The following ROR1 variants were observed in gnomAD, a reference collection of about 807,000 sequenced individuals.
ROR1 encodes inactive tyrosine-protein kinase transmembrane receptor ROR1.
A neutral mutation model predicts 78.8 loss-of-function variants in ROR1; 19 were observed. The observed-to-expected ratio is 0.24, with a 90% CI of 0.17 to 0.35. The LOEUF (loss-of-function observed/expected upper bound fraction) is 0.35. ROR1 is among the 10% of genes least tolerant of loss of function. The pLI, the probability that ROR1 is intolerant of heterozygous loss-of-function variation, is 1.00. For synonymous variants in ROR1, 386 were observed against 433.6 expected, an observed-to-expected ratio of 0.89 and a Z score of 1.36; for missense variants, 917 against 1,177.8, an observed-to-expected ratio of 0.78 and a Z score of 3.24.
chr1:64,047,421 G>C (rs191790827), intron 2 of ROR1, among the ~76,000 whole-genome samples: 17 of 152,184 alleles, frequency 1.1e-4, no homozygotes, highest in African/African-American at 3.6e-4. Flanking sequence ...TTTTCCGTTG[G>C]TTAAACTGAG....
At chr1:63,833,150 A>G (rs1258155067) in intron 1 of ROR1, among the ~76,000 whole-genome samples, 1 of 152,210 alleles carries the variant, frequency 6.6e-6, no homozygotes, top group Non-Finnish European at 1.5e-5. Context: ...TCTGTCTAAC[A>G]CAATTCCTGG....
chr1:64,136,295 T>A (rs560977674), intron 4 of ROR1, among the ~76,000 whole-genome samples: 2 of 151,940 alleles, frequency 1.3e-5, no homozygotes, highest in East Asian at 3.9e-4. Flanking sequence ...AGAATTTTGT[T>A]CTCCTGACTT....
intron 1 of ROR1, among the ~76,000 whole-genome samples, chr1:63,902,029 T>C (rs1177682500): frequency 3.3e-5 from 5 of 152,220 alleles, no homozygotes. Flanking sequence ...TCTTTTTTTA[T>C]GGTGACGTTA....
Position 63,957,935 on chromosome 1 carries a change from G to C in ROR1, c.92-51370G>C, listed in dbSNP as rs1410465690. ...TTTTTTGTATCTTTAGTAGAGATGG[G>C]GTTTCACCATGTTGGCCAGGCTGGT... On this transcript the variant is annotated intron_variant, in intron 1 of 8. Coordinates refer to ENST00000371079, the MANE Select transcript of ROR1 (RefSeq NM_005012.4). 4.6e-5 allele frequency among the ~76,000 whole-genome samples: 7 copies of C among 151,848 alleles called. No individual in the cohort carries two copies. The East Asian group carries it at 1.4e-3, about 29-fold the overall frequency.
At chr1:64,120,162 G>T (rs1421509227) in intron 4 of ROR1, among the ~76,000 whole-genome samples, 1 of 152,160 alleles carries the variant, frequency 6.6e-6, no homozygotes, top group African/African-American at 2.4e-5. Flanking sequence ...GGCTGATGAT[G>T]ATTATTATTA....
chr1:63,829,000 G>A (rs1455985964), intron 1 of ROR1, among the ~76,000 whole-genome samples: 1 of 152,168 alleles, frequency 6.6e-6, no homozygotes. Flanking sequence ...CTGATAAACT[G>A]ATATATTGAT....
At chr1:63,986,684 G>A (rs1358876463) in intron 1 of ROR1, among the ~76,000 whole-genome samples, 1 of 152,118 alleles carries the variant, frequency 6.6e-6, no homozygotes, top group Non-Finnish European at 1.5e-5. Context: ...CTTGAGCCCA[G>A]GAATTCAAGA....
intron 1 of ROR1, among the ~76,000 whole-genome samples, chr1:63,851,073 G>A (rs666620): frequency 2.6e-5 from 4 of 152,152 alleles, no homozygotes; most frequent in African/African-American, 4.8e-5. Context: ...TCCGTCTCCC[G>A]AGTTCAATCA....
chr1:64,086,468 C>G (rs1019803992), intron 4 of ROR1, among the ~76,000 whole-genome samples: 4 of 152,214 alleles, frequency 2.6e-5, no homozygotes, highest in Admixed American at 6.5e-5. Context: ...TGACAATGTT[C>G]CTGCCATCAC....
chr1:64,157,924 A>T (rs1400419562), intron 7 of ROR1, among the ~76,000 whole-genome samples: 1 of 152,200 alleles, frequency 6.6e-6, no homozygotes, highest in African/African-American at 2.4e-5. Flanking sequence ...GTAAATAATC[A>T]TCTCTGAATT....
At chr1:64,039,474 T>C (rs1646728639) in intron 2 of ROR1, among the ~76,000 whole-genome samples, 1 of 152,186 alleles carries the variant, frequency 6.6e-6, no homozygotes, top group Non-Finnish European at 1.5e-5. Context: ...GAGAATTTAT[T>C]ATGACTGGGC....
chr1:63,912,260 T>G, intron 1 of ROR1, among the ~76,000 whole-genome samples: 1 of 150,664 alleles, frequency 6.6e-6, no homozygotes. Flanking sequence ...ATGGTACCAT[T>G]GTACTCCAGC....
chr1:63,879,203 T>C (rs1280232613), intron 1 of ROR1, among the ~76,000 whole-genome samples: 1 of 152,150 alleles, frequency 6.6e-6, no homozygotes, highest in Non-Finnish European at 1.5e-5. Flanking sequence ...GTTCCTATTA[T>C]CTGCTGAGAG....
intron 1 of ROR1, among the ~76,000 whole-genome samples, chr1:63,873,125 G>A (rs10889451): frequency 0.45 from 69,005 of 151,722 alleles, 18,153 homozygotes; most frequent in African/African-American, 0.74. Context: ...TGAGAGACCT[G>A]CTGTGAACTG....
Position 64,150,206 on chromosome 1 carries a change from A to C in ROR1, c.1174+7556A>C, listed in dbSNP as rs145325850. 1.2e-4 allele frequency among the ~76,000 whole-genome samples: 18 copies of C among 152,248 alleles called. No homozygotes were observed. In the East Asian group the frequency reaches 3.3e-3, roughly 28 times the overall value. ...CTACCAAATAAAAGTTCCAAGCAGC[A>C]GTATTGTTTTTACTCCTAAACCAGC... On this transcript the variant is annotated intron_variant, in intron 7 of 8. Coordinates refer to ENST00000371079, the MANE Select transcript of ROR1 (RefSeq NM_005012.4).
intron 1 of ROR1, among the ~76,000 whole-genome samples, chr1:63,866,276 A>C (rs1021016429): frequency 3.3e-5 from 5 of 152,096 alleles, no homozygotes; most frequent in Admixed American, 6.5e-5. Flanking sequence ...GTCTGGAGCA[A>C]ATGCTGGAAG....
intron 1 of ROR1, among the ~76,000 whole-genome samples, chr1:63,866,216 T>A (rs1159352848): frequency 6.6e-6 from 1 of 152,034 alleles, no homozygotes; most frequent in Non-Finnish European, 1.5e-5. Context: ...GACAGAGAAA[T>A]TCTTCACGTC....
At chr1:64,139,791 G>A (rs1402531189) in intron 5 of ROR1, among the ~76,000 whole-genome samples, 1 of 152,158 alleles carries the variant, frequency 6.6e-6, no homozygotes, top group African/African-American at 2.4e-5. Context: ...AAAAGCACCA[G>A]ATGAAACACA....
chr1:63,872,833 T>A (rs1645260731), intron 1 of ROR1, among the ~76,000 whole-genome samples: 2 of 151,626 alleles, frequency 1.3e-5, no homozygotes, highest in South Asian at 4.2e-4. Flanking sequence ...GGAAACACAA[T>A]TATCTTCATA....
Sources: allele counts gnomAD v4.1 joint callset (sites outside exome capture counted in the v4.1 genomes callset), GRCh38; gene constraint gnomAD v4.1.1; transcripts MANE v1.5; gene names NCBI Gene and HGNC (gene_info 2026-07-23, HGNC 2026-07-21).